Variants in EYA2 observed in about 807,000 individuals in gnomAD.
The protein encoded by EYA2 is protein phosphatase EYA2.
A neutral mutation model predicts 69.2 loss-of-function variants in EYA2; 31 were observed. That is an observed-to-expected ratio of 0.45 (90% CI 0.34 to 0.60). EYA2 has a LOEUF of 0.60. Ranked by LOEUF, EYA2 falls within the 20% of genes least tolerant of loss-of-function variation. EYA2 has a pLI of 0.02. For synonymous variants in EYA2, 257 were observed against 279.4 expected, an observed-to-expected ratio of 0.92 and a Z score of 0.80; for missense variants, 622 against 701.2, an observed-to-expected ratio of 0.89 and a Z score of 1.28.
At position 47,050,977 on chromosome 20, in the gene EYA2, T is replaced by C. The variant is rs193220557; in HGVS notation, c.416-21208T>C. Among the ~76,000 whole-genome samples, 49 of 152,372 alleles carry C rather than the reference T, an allele frequency of 3.2e-4. 1 individual carries two copies. Among genetic ancestry groups the C allele is most frequent in the Admixed American group, 5.2e-4 (8 of 15,308 alleles). On this transcript the variant is annotated intron_variant, in intron 5 of 15. Transcript: ENST00000327619. ...CGAGCATTGCCATGGGAGGTCATTT[T>C]GGTGAGCCCTTGACCTCTCCATTTG...
At chr20:46,963,667 A>C (rs975931767) in intron 1 of EYA2, among the ~76,000 whole-genome samples, 1 of 152,222 alleles carries the variant, frequency 6.6e-6, no homozygotes, top group African/African-American at 2.4e-5. Flanking sequence ...CTGAGCATTG[A>C]TATTTAACAA....
At chr20:47,064,145 T>C (rs2031017908) in intron 5 of EYA2, among the ~76,000 whole-genome samples, 1 of 152,144 alleles carries the variant, frequency 6.6e-6, no homozygotes, top group Non-Finnish European at 1.5e-5. Context: ...TTAGTAAAGA[T>C]GGGATTTCAA....
chr20:47,026,196 T>A (rs1246220484), intron 5 of EYA2, among the ~76,000 whole-genome samples: 1 of 152,228 alleles, frequency 6.6e-6, no homozygotes, highest in Non-Finnish European at 1.5e-5. Flanking sequence ...AAATATGAAC[T>A]ATTGAATGAA....
intron 15 of EYA2, among the ~76,000 whole-genome samples, chr20:47,186,885 C>CAT (rs2034653689): frequency 6.6e-6 from 1 of 152,070 alleles, no homozygotes; most frequent in Admixed American, 6.6e-5. Context: ...TATACATGCA[C>CAT]ATATATATAC....
intron 10 of EYA2, among the ~76,000 whole-genome samples, chr20:47,146,167 G>A (rs1600742545): frequency 6.6e-6 from 1 of 152,260 alleles, no homozygotes; most frequent in East Asian, 1.9e-4. Flanking sequence ...GAGGTGTTTG[G>A]TATGCAGTGG....
At chr20:47,130,588 A>G (rs1375257418) in intron 9 of EYA2, among the ~76,000 whole-genome samples, 2 of 152,128 alleles carry the variant, frequency 1.3e-5, no homozygotes, top group Non-Finnish European at 2.9e-5. Flanking sequence ...TTCTAAAAAT[A>G]TGTATTTCAG....
intron 1 of EYA2, among the ~76,000 whole-genome samples, chr20:46,950,394 C>T (rs1307829075): frequency 7.2e-5 from 11 of 152,130 alleles, no homozygotes; most frequent in Non-Finnish European, 5.9e-5. Flanking sequence ...TTGATGATGC[C>T]TGTGAGTTTG....
intron 1 of EYA2, among the ~76,000 whole-genome samples, chr20:46,928,881 A>T (rs1448703072): frequency 6.6e-6 from 1 of 152,122 alleles, no homozygotes; most frequent in African/African-American, 2.4e-5. Flanking sequence ...TGCTGTGCCG[A>T]TGTTAGGGGC....
Position 46,995,383 on chromosome 20 carries a change from T to G in EYA2, c.109+5264T>G, listed in dbSNP as rs141823114. Among the ~76,000 whole-genome samples, 5 of 152,302 alleles carry G rather than the reference T, an allele frequency of 3.3e-5. No homozygotes were observed. The East Asian group carries it at 9.7e-4, about 29-fold the overall frequency. Reference sequence around the variant, plus strand: ...TATAGACTCCCTAAAATCATCGCAGTCTGGGACTTGCAGCCTCATTCCTTT... The same window carrying G: ...TATAGACTCCCTAAAATCATCGCAGGCTGGGACTTGCAGCCTCATTCCTTT... On this transcript the variant is annotated intron_variant, in intron 2 of 15. Coordinates refer to ENST00000327619, the MANE Select transcript of EYA2 (RefSeq NM_005244.5).
intron 5 of EYA2, among the ~76,000 whole-genome samples, chr20:47,035,850 A>C (rs1371544956): frequency 2.6e-5 from 4 of 151,920 alleles, no homozygotes; most frequent in Non-Finnish European, 5.9e-5. Context: ...TCTGAAAAAA[A>C]AAAAGAAAAA....
chr20:47,043,251 G>A (rs1322804079), intron 5 of EYA2, among the ~76,000 whole-genome samples: 2 of 152,194 alleles, frequency 1.3e-5, no homozygotes, highest in African/African-American at 4.8e-5. Context: ...ACTTATTCCA[G>A]GGGAATGAGA....
chr20:46,954,357 A>G (rs952549880), intron 1 of EYA2, among the ~76,000 whole-genome samples: 1 of 152,230 alleles, frequency 6.6e-6, no homozygotes, highest in Non-Finnish European at 1.5e-5. Flanking sequence ...GAAGAAGGGA[A>G]ACAGACAGGG....
chr20:47,004,823 G>A (rs1982602703), intron 3 of EYA2, 119 bp from the exon 4 acceptor site: 3 of 1,340,846 alleles, frequency 2.2e-6, no homozygotes, highest in South Asian at 2.4e-5. Context: ...GAACATGTAT[G>A]TTGTCTCTGC....
intron 9 of EYA2, among the ~76,000 whole-genome samples, chr20:47,122,400 T>C (rs1470547359): frequency 6.6e-6 from 1 of 150,952 alleles, no homozygotes; most frequent in East Asian, 1.9e-4. Context: ...TTCATGCCAT[T>C]CTCCTGCCTC....
chr20:46,990,546 G>A (rs940330258), intron 2 of EYA2, among the ~76,000 whole-genome samples: 8 of 152,326 alleles, frequency 5.3e-5, no homozygotes, highest in South Asian at 2.1e-4. Context: ...GCAAGAACTC[G>A]TCTGCCTCTT....
At chr20:47,167,815 T>G (rs1369915917) in intron 10 of EYA2, among the ~76,000 whole-genome samples, 5 of 152,106 alleles carry the variant, frequency 3.3e-5, no homozygotes, top group Non-Finnish European at 7.4e-5. Context: ...CTGATTGCCA[T>G]TTAAAGTAAT....
At chr20:47,041,678 G>A (rs1985077264) in intron 5 of EYA2, among the ~76,000 whole-genome samples, 1 of 152,178 alleles carries the variant, frequency 6.6e-6, no homozygotes, top group South Asian at 2.1e-4. Flanking sequence ...CGGTAGGAAG[G>A]TGTGCAGGGA....
At chr20:47,020,179 T>G (rs752863423) in intron 5 of EYA2, among the ~76,000 whole-genome samples, 1 of 151,942 alleles carries the variant, frequency 6.6e-6, no homozygotes, top group Admixed American at 6.6e-5. Context: ...AAAAGGATGC[T>G]CTTGGGGCTC....
intron 9 of EYA2, among the ~76,000 whole-genome samples, chr20:47,105,646 C>T (rs2032556175): frequency 8.5e-6 from 1 of 117,146 alleles, no homozygotes; most frequent in African/African-American, 2.8e-5. Flanking sequence ...AAAAAGGAAC[C>T]TGCCCAAATG....
Sources: gnomAD v4.1 joint callset for allele counts (sites outside exome capture counted in the v4.1 genomes callset) on GRCh38, gnomAD v4.1.1 for gene constraint, MANE v1.5 for transcripts, NCBI Gene and HGNC (gene_info 2026-07-23, HGNC 2026-07-21) for gene names.